ATP12A: variants seen among roughly 807,000 people sequenced by gnomAD.
ATP12A encodes the protein ATPase H+/K+ transporting non-gastric alpha2 subunit.
Under a neutral mutation model 111.2 loss-of-function variants are expected in ATP12A, and 81 were observed. The observed-to-expected ratio is 0.73, with a 90% CI of 0.61 to 0.88. The LOEUF (loss-of-function observed/expected upper bound fraction) is 0.88, where lower values mean the gene tolerates loss of function less well. Among genes scored for constraint, ATP12A ranks in the 40% least tolerant of loss-of-function variants. The pLI is 0.00. For missense variants in ATP12A, 1,196 were observed against 1,313.1 expected (o/e 0.91, Z 1.38); for synonymous variants, 498 against 499.8 (o/e 1.00, Z 0.05).
chr13:24,691,462 C>T (rs369914381), intron 8 of ATP12A, among the ~76,000 whole-genome samples: 5 of 152,276 alleles, frequency 3.3e-5, no homozygotes, highest in African/African-American at 7.2e-5. Flanking sequence ...TCCTTGAAAA[C>T]GTTATGCTTT....
At chr13:24,694,769 G>T (rs1361857185) in intron 11 of ATP12A, among the ~76,000 whole-genome samples, 191 bp downstream of exon 11, 3 of 152,034 alleles carry the variant, frequency 2.0e-5, no homozygotes, top group Non-Finnish European at 4.4e-5. Context: ...CCTGAAGCAG[G>T]GCAGAGAAAG....
intron 11 of ATP12A, among the ~76,000 whole-genome samples, chr13:24,698,036 C>T (rs779475795): frequency 8.6e-4 from 130 of 152,016 alleles, no homozygotes; most frequent in South Asian, 2.1e-3. Flanking sequence ...TCTTGTATAT[C>T]GATTTTTTTT....
intron 12 of ATP12A, among the ~76,000 whole-genome samples, chr13:24,699,990 C>T (rs967948814): frequency 7.9e-5 from 12 of 152,330 alleles, no homozygotes; most frequent in East Asian, 3.9e-4. Context: ...GTATTCTACA[C>T]GGGATCGATG....
At chr13:24,709,135 A>G (rs2137723863) in intron 17 of ATP12A, among the ~76,000 whole-genome samples, 1 of 152,238 alleles carries the variant, frequency 6.6e-6, no homozygotes, top group Middle Eastern at 3.5e-3. Flanking sequence ...TATAACCAGC[A>G]TCCTTCAGAA....
At position 24,698,867 on chromosome 13, in the gene ATP12A, G is replaced by A; in HGVS notation, c.1705+17G>A. ...GTGTGCTGGGTGAGTGCGGCGGCAG[G>A]GCCCTGCCCATCACCTGGTGGGCAC... is the stretch of plus-strand genomic sequence containing the variant. On this transcript the variant is annotated intron_variant, in intron 12 of 22. Coordinates refer to ENST00000381946, the MANE Select transcript of ATP12A (RefSeq NM_001676.7). 1 of 1,611,570 alleles carries A rather than the reference G, an allele frequency of 6.2e-7. No individual in the cohort carries two copies. The highest frequency in any genetic ancestry group is 8.5e-7 in the Non-Finnish European group (1 of 1,178,822).
intron 5 of ATP12A, among the ~76,000 whole-genome samples, chr13:24,690,135 C>T (rs555824418): frequency 4.6e-5 from 7 of 152,252 alleles, no homozygotes; most frequent in African/African-American, 1.4e-4. Context: ...CTGTTTCATT[C>T]TTGCTGTTCT....
rs1423646444 is a variant in ATP12A, at chr13:24,709,358, C to T, written c.2494-6C>T. ...GGTTAGACCTCACCAGCCTCTTCCC[C>T]TCTAGATCCCCTCCATTGCCTTGGC... On this transcript the variant is annotated splice_region_variant and splice_polypyrimidine_tract_variant and intron_variant, in intron 17 of 22. Coordinates refer to ENST00000381946, the MANE Select transcript of ATP12A (RefSeq NM_001676.7). The T allele has an allele frequency of 6.2e-7, 1 of 1,609,570 alleles. No homozygotes were observed. The highest frequency in any genetic ancestry group is 8.5e-7 in the Non-Finnish European group (1 of 1,178,488).
rs143767595 is a variant in ATP12A at position 24,711,379 on chromosome 13, C to T, written c.3061C>T (p.Arg1021Trp). 2.0e-5 allele frequency: 33 copies of T among 1,612,110 alleles called. No homozygotes were observed. The highest frequency in any genetic ancestry group is 2.0e-4 in the East Asian group (9 of 44,866). ...AILIWVYDEV[R>W]KLFIRLYPGS... ...CCTGATCTGGGTGTATGATGAGGTG[C>T]GGAAGCTCTTCATCAGGCTCTACCC... Residue 1021 changes from arginine to tryptophan, a missense_variant, in exon 22 of 23, where the codon CGG (arginine) becomes TGG (tryptophan). By Grantham distance (101) the Arg-to-Trp change is moderately radical. Around this residue, in one of 3 missense-constraint regions of ATP12A, gnomAD observed 1,126 missense variants for 1,228.5 expected, o/e 0.92. Transcript: ENST00000381946.
At position 24,710,459 on chromosome 13, in the gene ATP12A, G is replaced by C; in HGVS notation, c.2764-1G>C. ...TCTCTTCCTTCTCTGCCCATTAACA[G>C]ACAAGGTACCAGAGGGAATACCTAG... is the stretch of plus-strand genomic sequence containing the variant. On this transcript the variant is annotated splice_acceptor_variant, in intron 19 of 22. Transcript: ENST00000381946. LOFTEE classifies it high-confidence loss of function. The C allele has an allele frequency of 6.2e-7, 1 of 1,614,028 alleles. No homozygotes were observed. Among genetic ancestry groups the C allele is most frequent in the Non-Finnish European group, 8.5e-7 (1 of 1,179,984 alleles).
chr13:24,699,081 T>C (rs1875290059), intron 12 of ATP12A, among the ~76,000 whole-genome samples: 1 of 152,142 alleles, frequency 6.6e-6, no homozygotes, highest in Non-Finnish European at 1.5e-5. Flanking sequence ...AGGAGTTAAA[T>C]TTCAAACTGG....
chr13:24,680,525 G>C lies in ATP12A; in HGVS notation c.-219G>C. ...TGCGCCCTGGCGGGGACGTGGGCGGGGCGGGCGGCATTTAAGGCTGGTGCC... is the reference window on the plus strand; with the variant it reads ...TGCGCCCTGGCGGGGACGTGGGCGGCGCGGGCGGCATTTAAGGCTGGTGCC... On this transcript the variant is annotated 5_prime_UTR_variant, in exon 1 of 23. Transcript: ENST00000381946. 2.0e-6 allele frequency: 1 copy of C among 499,088 alleles called. No individual in the cohort carries two copies. The highest frequency in any genetic ancestry group is 3.7e-5 in the East Asian group (1 of 26,888). 30.9% of individuals were successfully genotyped at this position (499,088 alleles called of 1,614,324 possible).
intron 11 of ATP12A, among the ~76,000 whole-genome samples, chr13:24,698,318 G>A (rs1875252592): frequency 6.6e-6 from 1 of 152,066 alleles, no homozygotes; most frequent in African/African-American, 2.4e-5. Context: ...GGAGGTAGAG[G>A]AGGTGAGATG....
At position 24,686,457 on chromosome 13, in the gene ATP12A, A is replaced by G. The variant is rs1185642072; in HGVS notation, c.228+1084A>G. 2.3e-4 allele frequency among the ~76,000 whole-genome samples: 27 copies of G among 115,484 alleles called. No homozygotes were observed. The East Asian group carries it at 2.5e-3, about 11-fold the overall frequency. The allele number at this position is 115,484 out of a possible 152,430, so 75.8% of individuals were successfully genotyped here. On this transcript the variant is annotated intron_variant, in intron 3 of 22. Transcript: ENST00000381946. ...CTCCATCTCAAAAAAAAAAAAAAAA[A>G]GGGCCGGGCGTGGTGGCTCACGCCT...
At chr13:24,709,584 G>A in intron 18 of ATP12A, 97 bp downstream of exon 18, 2 of 1,593,920 alleles carry the variant, frequency 1.3e-6, no homozygotes, top group South Asian at 2.2e-5. Context: ...TTCCTGTGGG[G>A]CCTGGGTTGG....
chr13:24,708,798 T>G (rs1875775621), intron 17 of ATP12A, among the ~76,000 whole-genome samples: 2 of 150,068 alleles, frequency 1.3e-5, no homozygotes, highest in African/African-American at 4.9e-5. Context: ...ACCCATTGTC[T>G]TTTAAAAAAG....
At chr13:24,683,557 GGA>G (rs1205252740) in intron 2 of ATP12A, among the ~76,000 whole-genome samples, 1 of 152,184 alleles carries the variant, frequency 6.6e-6, no homozygotes, top group African/African-American at 2.4e-5. Flanking sequence ...GATCGTTCCT[GGA>G]GAGTTTGTTA....
At position 24,709,769 on chromosome 13, in the gene ATP12A, C is replaced by T. The variant is rs778588362; in HGVS notation, c.2704C>T (p.Arg902Trp). Reference protein sequence around the residue: ...GFLPRTLINLRVEWEKDYVND... With the variant: ...GFLPRTLINLWVEWEKDYVND... ...TCTGCCCCGCACTCTCATTAACCTGCGGGTAGAATGGGAGAAGGACTACGT... is the reference window on the plus strand; with the variant it reads ...TCTGCCCCGCACTCTCATTAACCTGTGGGTAGAATGGGAGAAGGACTACGT... The change falls in exon 19 of 23, where the codon CGG becomes TGG. Residue 902 changes from arginine (R) to tryptophan (W), a missense_variant. Arg to Trp is a moderately radical substitution (Grantham distance 101). Around this residue, in one of 3 missense-constraint regions of ATP12A, gnomAD observed 1,126 missense variants for 1,228.5 expected, o/e 0.92. Coordinates refer to ENST00000381946, the MANE Select transcript of ATP12A (RefSeq NM_001676.7). 36 of 1,614,204 alleles carry T rather than the reference C, an allele frequency of 2.2e-5. No homozygotes were observed. The Middle Eastern group carries it at 4.9e-4, about 22-fold the overall frequency.
intron 1 of ATP12A, among the ~76,000 whole-genome samples, 194 bp from the exon 2 acceptor site, chr13:24,681,368 C>G (rs1874424125): frequency 6.6e-6 from 1 of 152,136 alleles, no homozygotes; most frequent in African/African-American, 2.4e-5. Context: ...TCTACACGGA[C>G]GGAGAGGAAG....
At chr13:24,690,817 C>T in intron 7 of ATP12A, 96 bp downstream of exon 7, 2 of 1,443,764 alleles carry the variant, frequency 1.4e-6, no homozygotes, top group Non-Finnish European at 1.9e-6. Flanking sequence ...CGTTACAAAG[C>T]TCATCCCAGA....
Sources: allele counts gnomAD v4.1 joint callset (sites outside exome capture counted in the v4.1 genomes callset), GRCh38; gene constraint gnomAD v4.1.1; regional missense constraint gnomAD v4.1.1; transcripts MANE v1.5; gene names NCBI Gene and HGNC (gene_info 2026-07-23, HGNC 2026-07-21).